Variants in PIP5KL1 observed in about 807,000 individuals in gnomAD.
PIP5KL1 encodes the protein phosphatidylinositol-4-phosphate 5-kinase like 1, also known as phosphatidylinositol 4-phosphate 5-kinase-like protein 1.
Under a neutral mutation model 47.6 loss-of-function variants are expected in PIP5KL1, and 45 were observed. That is an observed-to-expected ratio of 0.94 (90% CI 0.74 to 1.21). PIP5KL1 has a LOEUF of 1.21. Among genes scored for constraint, PIP5KL1 ranks in the 50% most tolerant of loss-of-function variants. The probability of loss-of-function intolerance (pLI) is 0.00; values close to 1 mark genes in which losing one functional copy is unlikely to be tolerated. For missense variants in PIP5KL1, 577 were observed against 547.6 expected, an observed-to-expected ratio of 1.05 and a Z score of -0.54; for synonymous variants, 256 against 234.6, an observed-to-expected ratio of 1.09 and a Z score of -0.84.
Position 127,929,941 on chromosome 9 carries a change from C to G in PIP5KL1, c.31-56G>C. 1 of 1,410,342 alleles carries G rather than the reference C, an allele frequency of 7.1e-7. No individual in the cohort carries two copies. The highest frequency in any genetic ancestry group is 1.4e-5 in the South Asian group (1 of 71,674). 87.4% of individuals were successfully genotyped at this position (1,410,342 alleles called of 1,614,324 possible). ...TGGCAGCGTCACAGAGGAAAAAGAT[C>G]AGGGTTCAAGTCCCACTTCCACTAC... On this transcript the variant is annotated intron_variant, in intron 1 of 9. Transcript: ENST00000388747. The surrounding 1 kb of genome is among the most constrained non-coding windows in gnomAD (Gnocchi z 4.0).
At chr9:127,925,394 CT>C (rs766334683) in intron 8 of PIP5KL1, 134 bp from the exon 9 acceptor site, 4 of 1,076,658 alleles carry the variant, frequency 3.7e-6, no homozygotes, top group Non-Finnish European at 5.2e-6. Flanking sequence ...TGTAATTTGC[CT>C]TGGTCACTTA....
At position 127,929,629 on chromosome 9, in the gene PIP5KL1, C is replaced by A; in HGVS notation, c.228+59G>T. 6.9e-7 allele frequency: 1 copy of A among 1,446,142 alleles called. No homozygotes were observed. The highest frequency in any genetic ancestry group is 9.3e-7 in the Non-Finnish European group (1 of 1,077,118). The allele number at this position is 1,446,142 out of a possible 1,614,324, so 89.6% of individuals were successfully genotyped here. Reference sequence around the variant, plus strand: ...CACCTGCAGTTTCAGCCAGACAGGGCATCAGCCAAGTCTTGCCATTGCTGG... The same window carrying A: ...CACCTGCAGTTTCAGCCAGACAGGGAATCAGCCAAGTCTTGCCATTGCTGG... On this transcript the variant is annotated intron_variant, in intron 2 of 9. Coordinates refer to ENST00000388747, the MANE Select transcript of PIP5KL1 (RefSeq NM_001135219.2). The surrounding 1 kb of genome is among the most constrained non-coding windows in gnomAD (Gnocchi z 4.0).
chr9:127,922,118 G>A lies in PIP5KL1; in HGVS notation c.918-4C>T, dbSNP rs145022658. 336 of 1,490,424 alleles carry A rather than the reference G, an allele frequency of 2.3e-4. 6 individuals carry two copies. In the East Asian group the frequency reaches 7.9e-3, roughly 35 times the overall value. The allele number at this position is 1,490,424 out of a possible 1,614,324, so 92.3% of individuals were successfully genotyped here. ...GCTCTGTGCCCCTTGCACAGACCTG[G>A]GGGCCGACAGGAGGGTGAAGCTGCC... is the stretch of plus-strand genomic sequence containing the variant. On this transcript the variant is annotated splice_polypyrimidine_tract_variant and splice_region_variant and intron_variant, in intron 9 of 9. Coordinates refer to ENST00000388747, the MANE Select transcript of PIP5KL1 (RefSeq NM_001135219.2).
chr9:127,925,197 T>C lies in PIP5KL1; in HGVS notation c.827A>G (p.Asn276Ser), dbSNP rs1288147028. 6.2e-7 allele frequency: 1 copy of C among 1,614,108 alleles called. No homozygotes were observed. The highest frequency in any genetic ancestry group is 1.7e-5 in the Admixed American group (1 of 60,030). Residue 276 changes from asparagine (N) to serine (S), a missense_variant, in exon 9 of 10, where the codon AAC (asparagine) becomes AGC (serine). Physicochemically the swap from Asn to Ser is conservative, Grantham distance 46 (BLOSUM62 1). Transcript: ENST00000388747. The stretch of plus-strand genomic sequence containing the variant: ...TATCAGGAGGCTGTAATCCAGCACG[T>C]TGAGCTCCCGGAGGAAGGTGGTATC... ...ELDTTFLREL[N>S]VLDYSLLIAF...
chr9:127,922,239 G>A, intron 9 of PIP5KL1, 125 bp from the exon 10 acceptor site: 1 of 1,223,108 alleles, frequency 8.2e-7, no homozygotes, highest in Non-Finnish European at 1.1e-6. Context: ...GTGTGCCCAG[G>A]TTTGTGAAGT....
chr9:127,927,957 G>T lies in PIP5KL1; in HGVS notation c.434+108C>A. ...ATCCGGCCCTGACCCTCCCAGATTA[G>T]GGCCGCTCTGTTTCTCTCTTCAGGG... On this transcript the variant is annotated intron_variant, in intron 4 of 9. Transcript: ENST00000388747. This position sits in a 1 kb window ranked among gnomAD's most constrained non-coding sequence, Gnocchi z 5.5. 1 of 1,445,114 alleles carries T rather than the reference G, an allele frequency of 6.9e-7. No homozygotes were observed. The highest frequency in any genetic ancestry group is 2.5e-5 in the East Asian group (1 of 39,624). 89.5% of individuals were successfully genotyped at this position (1,445,114 alleles called of 1,614,324 possible).
rs1316314670 is a variant in PIP5KL1 at position 127,929,573 on chromosome 9, T to G, written c.228+115A>C. 8.9e-7 allele frequency: 1 copy of G among 1,121,288 alleles called. No individual in the cohort carries two copies. Among genetic ancestry groups the G allele is most frequent in the Admixed American group, 2.8e-5 (1 of 35,378 alleles). The allele number at this position is 1,121,288 out of a possible 1,614,324, so 69.5% of individuals were successfully genotyped here. A position where few individuals can be genotyped will look rare whatever the true frequency, so the allele number is the denominator to read the frequency against. On this transcript the variant is annotated intron_variant, in intron 2 of 9. Transcript: ENST00000388747. This position sits in a 1 kb window ranked among gnomAD's most constrained non-coding sequence, Gnocchi z 4.0. ...CCACAATGTTCCTCCCTCTCTGCCT[T>G]CCTCCCCTTGATATCCCTCTCTGAT... is the stretch of plus-strand genomic sequence containing the variant.
In PIP5KL1 at chr9:127,921,794, C is replaced by T; in HGVS notation, c.*53G>A. The T allele has an allele frequency of 2.0e-6, 3 of 1,509,670 alleles. No individual in the cohort carries two copies. The highest frequency in any genetic ancestry group is 2.7e-6 in the Non-Finnish European group (3 of 1,130,544). 93.5% of individuals were successfully genotyped at this position (1,509,670 alleles called of 1,614,324 possible). On this transcript the variant is annotated 3_prime_UTR_variant, in exon 10 of 10. Transcript: ENST00000388747. ...AGATGCCCGGGCCCGGGGGAACCGG[C>T]GTTCCTGGCGTGAGCCCATCGTCCA...
Position 127,927,016 on chromosome 9 carries a change from G to C in PIP5KL1, c.650+137C>G. 2 of 1,057,324 alleles carry C rather than the reference G, an allele frequency of 1.9e-6. No homozygotes were observed. Among genetic ancestry groups the C allele is most frequent in the Non-Finnish European group, 2.7e-6 (2 of 740,742 alleles). The allele number at this position is 1,057,324 out of a possible 1,614,324, so 65.5% of individuals were successfully genotyped here. A position where few individuals can be genotyped will look rare whatever the true frequency, so the allele number is the denominator to read the frequency against. On this transcript the variant is annotated intron_variant, in intron 7 of 9. Coordinates refer to ENST00000388747, the MANE Select transcript of PIP5KL1 (RefSeq NM_001135219.2). This position sits in a 1 kb window ranked among gnomAD's most constrained non-coding sequence, Gnocchi z 5.5. ...AGAGATGCTGGGTGTGGGCGTCACT[G>C]TCTCTGACCCACCAGATCTTGGGAA...
rs1236252263 is a variant in PIP5KL1 at position 127,925,398 on chromosome 9, G to A, written c.764-138C>T. On this transcript the variant is annotated intron_variant, in intron 8 of 9. Coordinates refer to ENST00000388747, the MANE Select transcript of PIP5KL1 (RefSeq NM_001135219.2). ...AGAAACTCATCTGTAATTTGCCTTG[G>A]TCACTTAGCTAGGAAGTCATGGAGC... 4 of 1,008,980 alleles carry A rather than the reference G, an allele frequency of 4.0e-6. No homozygotes were observed. The East Asian group carries it at 8.0e-5, about 20-fold the overall frequency. 62.5% of individuals were successfully genotyped at this position (1,008,980 alleles called of 1,614,324 possible). A position where few individuals can be genotyped will look rare whatever the true frequency, so the allele number is the denominator to read the frequency against.
intron 9 of PIP5KL1, among the ~76,000 whole-genome samples, chr9:127,924,123 C>T (rs1436352769): frequency 6.6e-6 from 1 of 152,174 alleles, no homozygotes; most frequent in South Asian, 2.1e-4. Flanking sequence ...AATCCCAACA[C>T]TTTGGGAGGC....
rs1181433623 is a variant in PIP5KL1 at position 127,922,041 on chromosome 9, C to T, written c.991G>A (p.Ala331Thr). The T allele has an allele frequency of 1.3e-6, 2 of 1,569,304 alleles. No homozygotes were observed. The highest frequency in any genetic ancestry group is 1.7e-6 in the Non-Finnish European group (2 of 1,158,532). ...TCGGGCCCGTCCAGGATGTGTAGGG[C>T]GTTGGGGGCGTCGGGCAGCAGCCGG... Reference protein sequence around the residue: ...NRRLLPDAPNALHILDGPEQR... With the variant: ...NRRLLPDAPNTLHILDGPEQR... The change falls in exon 10 of 10, where the codon GCC (alanine) becomes ACC (threonine). Residue 331 changes from alanine (A) to threonine (T), a missense_variant. Ala to Thr is a moderately conservative substitution (Grantham distance 58, BLOSUM62 0). Transcript: ENST00000388747.
At position 127,927,385 on chromosome 9, in the gene PIP5KL1, G is replaced by T; in HGVS notation, c.560-54C>A. On this transcript the variant is annotated intron_variant, in intron 5 of 9. Transcript: ENST00000388747. This position sits in a 1 kb window ranked among gnomAD's most constrained non-coding sequence, Gnocchi z 5.5. ...ATCCCCAAACTCCACAACCCGGGGT[G>T]CATCCGGCGCCAATCCCAGCGCCAG... The T allele has an allele frequency of 1.3e-6, 2 of 1,556,850 alleles. No individual in the cohort carries two copies. The highest frequency in any genetic ancestry group is 8.7e-7 in the Non-Finnish European group (1 of 1,155,534).
chr9:127,921,951 G>A lies in PIP5KL1; in HGVS notation c.1081C>T (p.His361Tyr), dbSNP rs151220449. The A allele has an allele frequency of 8.2e-6, 13 of 1,576,504 alleles. No individual in the cohort carries two copies. The African/African-American group carries it at 1.6e-4, about 20-fold the overall frequency. Reference sequence around the variant, plus strand: ...GGGTAGCGCAGTGTCTTCCACAGGTGCTCCAGCCGCTTGCGGAGCCCGTAG... The same window carrying A: ...GGGTAGCGCAGTGTCTTCCACAGGTACTCCAGCCGCTTGCGGAGCCCGTAG... Reference protein sequence around the residue: ...TVYGLRKRLEHLWKTLRYPGR... With the variant: ...TVYGLRKRLEYLWKTLRYPGR... The change falls in exon 10 of 10, where the codon CAC (histidine) becomes TAC (tyrosine). Residue 361 changes from histidine to tyrosine, a missense_variant. Coordinates refer to ENST00000388747, the MANE Select transcript of PIP5KL1 (RefSeq NM_001135219.2).
chr9:127,925,015 G>A (rs1209621128), intron 9 of PIP5KL1, 92 bp downstream of exon 9: 15 of 1,505,160 alleles, frequency 1.0e-5, no homozygotes, highest in East Asian at 6.8e-5. Context: ...GTCTTTGGCT[G>A]CACTGCTCCC....
At position 127,922,060 on chromosome 9, in the gene PIP5KL1, C is replaced by G; in HGVS notation, c.972G>C (p.Leu324=). 6.4e-7 allele frequency: 1 copy of G among 1,563,748 alleles called. No individual in the cohort carries two copies. The highest frequency in any genetic ancestry group is 8.6e-7 in the Non-Finnish European group (1 of 1,156,082). ...GTAGGGCGTTGGGGGCGTCGGGCAG[C>G]AGCCGGCGGTTTTGGGCTCTCGACT... The part of the protein sequence containing the change: ...PEESRAQNRR[L]LPDAPNALHI... The change falls in exon 10 of 10, where the codon CTG becomes CTC. Residue 324 remains leucine (L), a synonymous_variant. Transcript: ENST00000388747.
At chr9:127,923,309 G>A (rs1323455479) in intron 9 of PIP5KL1, among the ~76,000 whole-genome samples, 1 of 152,196 alleles carries the variant, frequency 6.6e-6, no homozygotes, top group East Asian at 1.9e-4. Flanking sequence ...TCAGTGGTCT[G>A]AGAGTCTGAA....
Position 127,928,412 on chromosome 9 carries a change from AC to A in PIP5KL1, c.279+20del. 1 of 1,592,530 alleles carries A rather than the reference AC, an allele frequency of 6.3e-7. No individual in the cohort carries two copies. Among genetic ancestry groups the A allele is most frequent in the Non-Finnish European group, 8.5e-7 (1 of 1,170,088 alleles). On this transcript the variant is annotated intron_variant, in intron 3 of 9. Transcript: ENST00000388747. ...CAAGACCAGCACACGTCCCTCCCAC[AC>A]GGGAGTCTGGGCCTCCTACCTCGTG...
Position 127,927,639 on chromosome 9 carries a change from G to T in PIP5KL1, c.559+9C>A. 2 of 1,426,256 alleles carry T rather than the reference G, an allele frequency of 1.4e-6. No individual in the cohort carries two copies. Among genetic ancestry groups the T allele is most frequent in the Non-Finnish European group, 1.9e-6 (2 of 1,080,940 alleles). The allele number at this position is 1,426,256 out of a possible 1,614,324, so 88.4% of individuals were successfully genotyped here. ...CCGCCCCCACCGAGCCCCGCCCCCA[G>T]CCAAGTACCCAGCAACCGCGCCAGC... On this transcript the variant is annotated intron_variant, in intron 5 of 9. Transcript: ENST00000388747. The surrounding 1 kb of genome is among the most constrained non-coding windows in gnomAD (Gnocchi z 5.5).
Sources: gnomAD v4.1 joint callset for allele counts (sites outside exome capture counted in the v4.1 genomes callset) on GRCh38, gnomAD v4.1.1 for gene constraint, Gnocchi (gnomAD v3.1) non-coding constraint, MANE v1.5 for transcripts, NCBI Gene and HGNC (gene_info 2026-07-23, HGNC 2026-07-21) for gene names.